The following GPR158 variants were observed in gnomAD, a reference collection of about 807,000 sequenced individuals.
GPR158 encodes G protein-coupled receptor 158.
In GPR158, 30 loss-of-function variants were observed where a neutral mutation model predicts 78.2. The observed-to-expected ratio is 0.38, with a 90% CI of 0.29 to 0.52. The LOEUF (loss-of-function observed/expected upper bound fraction) is 0.52, where lower values mean the gene tolerates loss of function less well. GPR158 is among the 20% of genes least tolerant of loss of function. The pLI is 0.83. For synonymous variants in GPR158, 581 were observed against 591.1 expected, an observed-to-expected ratio of 0.98 and a Z score of 0.25; for missense variants, 1,463 against 1,523.5, an observed-to-expected ratio of 0.96 and a Z score of 0.66.
At chr10:25,489,773 G>A (rs1328695690) in intron 5 of GPR158, among the ~76,000 whole-genome samples, 8 of 152,022 alleles carry the variant, frequency 5.3e-5, no homozygotes, top group Non-Finnish European at 1.2e-4. Context: ...ATACAGTGGG[G>A]GAATGAGTGC....
intron 4 of GPR158, among the ~76,000 whole-genome samples, chr10:25,449,159 G>A (rs1312287603): frequency 6.6e-6 from 1 of 152,234 alleles, no homozygotes; most frequent in African/African-American, 2.4e-5. Context: ...TATGAATAAT[G>A]CTGCGCATGA....
intron 2 of GPR158, among the ~76,000 whole-genome samples, chr10:25,298,785 C>T (rs1321337820): frequency 4.6e-5 from 7 of 152,160 alleles, no homozygotes; most frequent in African/African-American, 1.7e-4. Flanking sequence ...CCTGCCTAGG[C>T]AGTTGAGCTT....
At chr10:25,332,489 AG>A (rs113513054) in intron 2 of GPR158, among the ~76,000 whole-genome samples, 117 of 152,296 alleles carry the variant, frequency 7.7e-4, no homozygotes, top group African/African-American at 2.7e-3. Context: ...TTTCTGATAA[AG>A]AAATTGAGAC....
intron 2 of GPR158, among the ~76,000 whole-genome samples, chr10:25,359,598 T>C (rs1231353734): frequency 6.6e-6 from 1 of 152,194 alleles, no homozygotes; most frequent in Non-Finnish European, 1.5e-5. Flanking sequence ...TCATCCTTTT[T>C]TATGGCCGCA....
chr10:25,426,950 T>C (rs1414731726), intron 4 of GPR158, among the ~76,000 whole-genome samples: 1 of 149,854 alleles, frequency 6.7e-6, no homozygotes, highest in Non-Finnish European at 1.5e-5. Flanking sequence ...TGATGCAAAG[T>C]CCTCTAGATT....
intron 2 of GPR158, among the ~76,000 whole-genome samples, chr10:25,241,262 T>TCTTTCCTTTCTCTC (rs1479682126): frequency 8.5e-6 from 1 of 117,790 alleles, no homozygotes; most frequent in Non-Finnish European, 1.7e-5. Context: ...TTCTTTCCTT[T>TCTTTCCTTTCTCTC]CTTTCTTTCC....
At chr10:25,471,543 T>C (rs1405359992) in intron 5 of GPR158, among the ~76,000 whole-genome samples, 1 of 152,216 alleles carries the variant, frequency 6.6e-6, no homozygotes, top group Non-Finnish European at 1.5e-5. Flanking sequence ...CCACACTGTC[T>C]TCCACAATGG....
intron 5 of GPR158, among the ~76,000 whole-genome samples, chr10:25,471,248 G>A (rs1309687563): frequency 6.6e-6 from 1 of 151,900 alleles, no homozygotes; most frequent in Admixed American, 6.6e-5. Context: ...TGAGAATGAT[G>A]GTTTCCAGCT....
At chr10:25,453,216 T>C (rs1260192453) in intron 4 of GPR158, among the ~76,000 whole-genome samples, 1 of 152,180 alleles carries the variant, frequency 6.6e-6, no homozygotes, top group Non-Finnish European at 1.5e-5. Context: ...GACATACTGA[T>C]TTCATTTCCT....
chr10:25,298,746 C>G (rs1015505626), intron 2 of GPR158, among the ~76,000 whole-genome samples: 1 of 152,140 alleles, frequency 6.6e-6, no homozygotes, highest in Non-Finnish European at 1.5e-5. Flanking sequence ...TTATTTTTTA[C>G]TGTCTCAGTT....
At chr10:25,277,636 G>A (rs1854203373) in intron 2 of GPR158, among the ~76,000 whole-genome samples, 1 of 152,210 alleles carries the variant, frequency 6.6e-6, no homozygotes, top group Admixed American at 6.5e-5. Context: ...TGGTATGAGA[G>A]TTTGTCATGT....
chr10:25,431,870 G>T (rs889506468), intron 4 of GPR158, among the ~76,000 whole-genome samples: 1 of 152,096 alleles, frequency 6.6e-6, no homozygotes, highest in Non-Finnish European at 1.5e-5. Flanking sequence ...GGGGTTGGGG[G>T]AGGGATAGCT....
In GPR158 at chr10:25,457,933, C is replaced by CAA. The variant is rs1835311888; in HGVS notation, c.1336-8717_1336-8716dup. On this transcript the variant is annotated intron_variant, in intron 4 of 10. Transcript: ENST00000376351. ...TCTCATGTAAATTTTGAAAACAAAACAACAACAAAAAATCACCATAGCCAT... is the reference window on the plus strand; with the variant it reads ...TCTCATGTAAATTTTGAAAACAAAACAAAACAACAAAAAATCACCATAGCCAT... 1.4e-4 allele frequency among the ~76,000 whole-genome samples: 21 copies of CAA among 152,138 alleles called. No homozygotes were observed. In the South Asian group the frequency reaches 4.4e-3, roughly 32 times the overall value.
rs184048946 is a variant in GPR158 at position 25,323,081 on chromosome 10, G to A, written c.1009-72830G>A. Among the ~76,000 whole-genome samples the A allele has an allele frequency of 5.9e-5, 9 of 152,186 alleles. No homozygotes were observed. In the East Asian group the frequency reaches 1.5e-3, roughly 26 times the overall value. On this transcript the variant is annotated intron_variant, in intron 2 of 10. Transcript: ENST00000376351. Reference sequence around the variant, plus strand: ...AGGATGGTCTCGATCTCCTGACCTTGTGATCTGCCTGCCTCGTCCTCCCAA... The same window carrying A: ...AGGATGGTCTCGATCTCCTGACCTTATGATCTGCCTGCCTCGTCCTCCCAA...
intron 2 of GPR158, among the ~76,000 whole-genome samples, chr10:25,283,409 C>T (rs961492941): frequency 6.6e-6 from 1 of 151,900 alleles, no homozygotes; most frequent in African/African-American, 2.4e-5. Flanking sequence ...ATTTATTAAA[C>T]CATTTATGCT....
At position 25,176,335 on chromosome 10, in the gene GPR158, G is replaced by A; in HGVS notation, c.902+13G>A. The A allele has an allele frequency of 3.2e-6, 5 of 1,539,194 alleles. No homozygotes were observed. Among genetic ancestry groups the A allele is most frequent in the Non-Finnish European group, 4.4e-6 (5 of 1,140,536 alleles). ...TCCCGGAATTCAGGTAGGGAGGGCCGGGGGGCAGGGGGGAAGGCAAAAGCG... is the reference window on the plus strand; with the variant it reads ...TCCCGGAATTCAGGTAGGGAGGGCCAGGGGGCAGGGGGGAAGGCAAAAGCG... On this transcript the variant is annotated intron_variant, in intron 1 of 10. Transcript: ENST00000376351. The surrounding 1 kb of genome is among the most constrained non-coding windows in gnomAD (Gnocchi z 6.3).
At chr10:25,523,322 T>A (rs1836302884) in intron 5 of GPR158, among the ~76,000 whole-genome samples, 1 of 152,182 alleles carries the variant, frequency 6.6e-6, no homozygotes, top group Non-Finnish European at 1.5e-5. Flanking sequence ...GTCCTCTGTG[T>A]GGAAGAACTC....
intron 2 of GPR158, among the ~76,000 whole-genome samples, chr10:25,373,807 T>C (rs1260840064): frequency 6.6e-6 from 1 of 151,856 alleles, no homozygotes; most frequent in East Asian, 1.9e-4. Context: ...TCTATTGTTT[T>C]AGTACTTTGA....
intron 2 of GPR158, among the ~76,000 whole-genome samples, chr10:25,264,682 A>C (rs1212066115): frequency 6.6e-6 from 1 of 152,146 alleles, no homozygotes; most frequent in Non-Finnish European, 1.5e-5. Flanking sequence ...AGGCCAAAGA[A>C]GACTTGGACA....
Sources: allele counts gnomAD v4.1 joint callset (sites outside exome capture counted in the v4.1 genomes callset), GRCh38; gene constraint gnomAD v4.1.1; non-coding constraint Gnocchi (gnomAD v3.1); transcripts MANE v1.5; gene names NCBI Gene and HGNC (gene_info 2026-07-23, HGNC 2026-07-21).